Variants in CALN1 observed in about 807,000 individuals in gnomAD.
CALN1 encodes calcium-binding protein 8.
Under a neutral mutation model 30.6 loss-of-function variants are expected in CALN1, and 17 were observed. The observed-to-expected ratio is 0.56, with a 90% CI of 0.38 to 0.83. The LOEUF (loss-of-function observed/expected upper bound fraction) is 0.83, where lower values mean the gene tolerates loss of function less well. Ranked by LOEUF, CALN1 falls within the 40% of genes least tolerant of loss-of-function variation. CALN1 has a pLI of 0.00. For missense variants in CALN1, 291 were observed against 354.9 expected (o/e 0.82, Z 1.45); for synonymous variants, 156 against 131.4 (o/e 1.19, Z -1.28).
intron 4 of CALN1, among the ~76,000 whole-genome samples, chr7:72,094,212 A>G (rs1337845854): frequency 6.6e-6 from 1 of 152,224 alleles, no homozygotes; most frequent in Non-Finnish European, 1.5e-5. Flanking sequence ...TGTTAAATCA[A>G]AGAAGATACA....
At chr7:72,495,739 C>T in the CALN1 span, among the ~76,000 whole-genome samples, 16 of 152,058 alleles carry the variant, frequency 1.1e-4, no homozygotes, top group Non-Finnish European at 1.2e-4. Flanking sequence ...TTATTGCTTC[C>T]GAAATACAAT....
intron 3 of CALN1, among the ~76,000 whole-genome samples, chr7:72,185,030 C>G (rs1790081040): frequency 6.6e-6 from 1 of 151,928 alleles, no homozygotes; most frequent in South Asian, 2.1e-4. Flanking sequence ...GTCTCAAATT[C>G]CTGGGCTCAA....
intron 2 of CALN1, among the ~76,000 whole-genome samples, chr7:72,345,815 G>A (rs1244036245): frequency 2.6e-5 from 4 of 152,242 alleles, no homozygotes; most frequent in East Asian, 3.9e-4. Flanking sequence ...TGATCTTTAC[G>A]TACCCTAAAC....
At chr7:71,978,872 T>C (rs1448023300) in intron 5 of CALN1, among the ~76,000 whole-genome samples, 1 of 152,264 alleles carries the variant, frequency 6.6e-6, no homozygotes, top group African/African-American at 2.4e-5. Flanking sequence ...AACTATTTGT[T>C]GGAAGACAAT....
intron 2 of CALN1, among the ~76,000 whole-genome samples, chr7:72,365,609 T>C (rs572018015): frequency 6.6e-6 from 1 of 152,140 alleles, no homozygotes; most frequent in South Asian, 2.1e-4. Flanking sequence ...TTTTAAATTT[T>C]TTTGTAGACA....
intron 5 of CALN1, among the ~76,000 whole-genome samples, chr7:71,814,421 A>G (rs948672270): frequency 6.6e-6 from 1 of 152,142 alleles, no homozygotes; most frequent in Non-Finnish European, 1.5e-5. Flanking sequence ...TTATAACTGG[A>G]TGGGACTGTT....
At chr7:72,220,886 G>C (rs1024076620) in intron 3 of CALN1, among the ~76,000 whole-genome samples, 5 of 152,132 alleles carry the variant, frequency 3.3e-5, no homozygotes, top group Admixed American at 2.6e-4. Context: ...TTTTTGATGG[G>C]GTTGTTTGTT....
intron 2 of CALN1, among the ~76,000 whole-genome samples, chr7:72,330,695 C>A (rs1381492986): frequency 2.0e-5 from 3 of 152,170 alleles, no homozygotes; most frequent in Non-Finnish European, 4.4e-5. Flanking sequence ...AAAGCATTTT[C>A]AAAGAATCCA....
In CALN1 at chr7:72,402,108, T is replaced by C. The variant is rs117581263; in HGVS notation, c.119+1143A>G. Reference sequence around the variant, plus strand: ...GAGCCTGCCCTTCAGCATTTGTCATTTCCAGCTTTACATTGTCCTATTCCA... The same window carrying C: ...GAGCCTGCCCTTCAGCATTTGTCATCTCCAGCTTTACATTGTCCTATTCCA... On this transcript the variant is annotated intron_variant, in intron 2 of 6. Coordinates refer to ENST00000395275, the MANE Select transcript of CALN1 (RefSeq NM_031468.4). 4.5e-4 allele frequency among the ~76,000 whole-genome samples: 69 copies of C among 152,298 alleles called. 1 individual carries two copies. In the East Asian group the frequency reaches 9.8e-3, roughly 22 times the overall value.
At chr7:72,015,429 CTTTCT>C (rs1160435421) in intron 5 of CALN1, among the ~76,000 whole-genome samples, 19 of 136,252 alleles carry the variant, frequency 1.4e-4, no homozygotes, top group African/African-American at 6.3e-4. Context: ...GCATTTCTTT[CTTTCT>C]TTTTTTTTTT....
intron 5 of CALN1, among the ~76,000 whole-genome samples, chr7:71,913,251 T>C (rs1391800199): frequency 6.6e-6 from 1 of 152,198 alleles, no homozygotes; most frequent in Non-Finnish European, 1.5e-5. Flanking sequence ...AATTTCCAAA[T>C]TCTAGCAGTA....
chr7:72,173,082 T>C (rs1156959899), intron 3 of CALN1, among the ~76,000 whole-genome samples: 1 of 152,014 alleles, frequency 6.6e-6, no homozygotes, highest in Non-Finnish European at 1.5e-5. Flanking sequence ...TACAAAACAA[T>C]TTCTAAAAAG....
At chr7:72,155,361 A>C (rs1286890514) in intron 3 of CALN1, among the ~76,000 whole-genome samples, 3 of 151,220 alleles carry the variant, frequency 2.0e-5, no homozygotes, top group Non-Finnish European at 4.4e-5. Flanking sequence ...GCGTGGTGGC[A>C]GGTGCCTGTA....
At chr7:72,440,881 T>G (rs1808323071) in intron 1 of CALN1, among the ~76,000 whole-genome samples, 1 of 152,208 alleles carries the variant, frequency 6.6e-6, no homozygotes, top group African/African-American at 2.4e-5. Flanking sequence ...ATTTCTGCAT[T>G]CTGTTTTTTG....
At chr7:72,254,160 A>G (rs1390740228) in intron 3 of CALN1, among the ~76,000 whole-genome samples, 3 of 152,038 alleles carry the variant, frequency 2.0e-5, no homozygotes, top group African/African-American at 7.2e-5. Flanking sequence ...CAGAATACAC[A>G]GGAACCTTTC....
chr7:71,795,814 CTTTTTTT>C (rs55667543), intron 6 of CALN1, among the ~76,000 whole-genome samples: 1 of 98,588 alleles, frequency 1.0e-5, no homozygotes, highest in South Asian at 3.9e-4. Context: ...GTACTTCATT[CTTTTTTT>C]TTTTTTTTTT....
At chr7:72,319,770 C>T (rs1413671852) in intron 2 of CALN1, among the ~76,000 whole-genome samples, 1 of 151,900 alleles carries the variant, frequency 6.6e-6, no homozygotes, top group Non-Finnish European at 1.5e-5. Flanking sequence ...CCACTGAAGG[C>T]AAGGGGGGTG....
At chr7:72,220,493 C>T (rs937128821) in intron 3 of CALN1, among the ~76,000 whole-genome samples, 2 of 151,748 alleles carry the variant, frequency 1.3e-5, no homozygotes, top group Admixed American at 1.3e-4. Flanking sequence ...AATAGTGCTG[C>T]AATAAACATA....
At chr7:72,240,263 T>C (rs943708260) in intron 3 of CALN1, among the ~76,000 whole-genome samples, 1 of 151,772 alleles carries the variant, frequency 6.6e-6, no homozygotes, top group Non-Finnish European at 1.5e-5. Context: ...AGAGTGATCA[T>C]AGCTCACTGC....
Sources: gnomAD v4.1 joint callset for allele counts (sites outside exome capture counted in the v4.1 genomes callset) on GRCh38, gnomAD v4.1.1 for gene constraint, MANE v1.5 for transcripts, NCBI Gene and HGNC (gene_info 2026-07-23, HGNC 2026-07-21) for gene names.